CNTN5: variants seen among roughly 807,000 people sequenced by gnomAD.
CNTN5 encodes the protein contactin-5.
CNTN5 carries 77 observed loss-of-function variants against 129.1 expected under a neutral mutation model. The ratio of observed to expected loss-of-function variants is 0.60; its 90% confidence interval spans 0.50 to 0.72. The LOEUF is 0.72. Ranked by LOEUF, CNTN5 falls within the 30% of genes least tolerant of loss-of-function variation. The pLI is 0.00. For missense variants in CNTN5, 1,478 were observed against 1,328.8 expected, an observed-to-expected ratio of 1.11 and a Z score of -1.75; for synonymous variants, 509 against 465.6, an observed-to-expected ratio of 1.09 and a Z score of -1.20.
intron 1 of CNTN5, among the ~76,000 whole-genome samples, chr11:99,255,961 G>A (rs1862359696): frequency 6.6e-6 from 1 of 151,950 alleles, no homozygotes; most frequent in African/African-American, 2.4e-5. Flanking sequence ...CCCTGAAATT[G>A]TGATTGTTTA....
intron 1 of CNTN5, among the ~76,000 whole-genome samples, chr11:99,153,627 T>C (rs1860181972): frequency 6.6e-6 from 1 of 152,112 alleles, no homozygotes; most frequent in South Asian, 2.1e-4. Flanking sequence ...TATCACAAAT[T>C]GTATTTCTGT....
At chr11:100,011,836 T>C (rs1428930838) in intron 9 of CNTN5, among the ~76,000 whole-genome samples, 1 of 152,180 alleles carries the variant, frequency 6.6e-6, no homozygotes, top group Non-Finnish European at 1.5e-5. Context: ...TTAGCTAAGC[T>C]GTCTCAAATG....
At chr11:100,286,099 G>A (rs1486577559) in intron 18 of CNTN5, among the ~76,000 whole-genome samples, 2 of 152,236 alleles carry the variant, frequency 1.3e-5, no homozygotes, top group Non-Finnish European at 2.9e-5. Flanking sequence ...TGGCTGGGAG[G>A]GTCCTACGCC....
At chr11:100,336,201 T>C (rs1223129181) in intron 21 of CNTN5, among the ~76,000 whole-genome samples, 2 of 152,218 alleles carry the variant, frequency 1.3e-5, no homozygotes, top group African/African-American at 4.8e-5. Context: ...ATAATCTTCT[T>C]TCTGGGGTCT....
At chr11:99,544,958 C>A (rs997739891) in intron 2 of CNTN5, among the ~76,000 whole-genome samples, 3 of 152,204 alleles carry the variant, frequency 2.0e-5, no homozygotes, top group African/African-American at 7.2e-5. Context: ...ATTGAGATTT[C>A]TTTGTAATTC....
At chr11:99,217,565 G>A (rs931562121) in intron 1 of CNTN5, among the ~76,000 whole-genome samples, 3 of 152,172 alleles carry the variant, frequency 2.0e-5, no homozygotes, top group Admixed American at 2.0e-4. Context: ...CAATGCTATA[G>A]ATCCTCAGAT....
intron 13 of CNTN5, among the ~76,000 whole-genome samples, chr11:100,171,549 C>G (rs1947825938): frequency 6.6e-6 from 1 of 151,964 alleles, no homozygotes; most frequent in South Asian, 2.1e-4. Flanking sequence ...TGAAGAGCTA[C>G]AGGGTAAATG....
At chr11:99,045,710 G>A (rs1161033061) in intron 1 of CNTN5, among the ~76,000 whole-genome samples, 1 of 152,078 alleles carries the variant, frequency 6.6e-6, no homozygotes, top group East Asian at 1.9e-4. Context: ...TTTAAGCATC[G>A]GGGTGTTCAA....
intron 9 of CNTN5, among the ~76,000 whole-genome samples, chr11:100,045,326 T>C (rs1363025482): frequency 6.6e-6 from 1 of 152,130 alleles, no homozygotes; most frequent in African/African-American, 2.4e-5. Context: ...GTCACCATGG[T>C]TTAAGGTTGT....
chr11:99,833,147 T>G (rs1467075817), intron 4 of CNTN5, among the ~76,000 whole-genome samples: 2 of 152,134 alleles, frequency 1.3e-5, no homozygotes, highest in Non-Finnish European at 2.9e-5. Context: ...CTCAGATGGA[T>G]GATACTTAAA....
At chr11:100,137,803 A>G (rs1017921893) in intron 13 of CNTN5, among the ~76,000 whole-genome samples, 4 of 152,176 alleles carry the variant, frequency 2.6e-5, no homozygotes, top group African/African-American at 9.6e-5. Context: ...TAACAAAATT[A>G]TGCAAAAGAT....
intron 4 of CNTN5, among the ~76,000 whole-genome samples, chr11:99,843,422 A>G (rs1198942938): frequency 6.6e-6 from 1 of 152,248 alleles, no homozygotes; most frequent in Non-Finnish European, 1.5e-5. Flanking sequence ...GTTCTTCTAA[A>G]TATAAGGTGT....
intron 2 of CNTN5, among the ~76,000 whole-genome samples, chr11:99,351,748 G>A (rs1264993415): frequency 1.3e-5 from 2 of 152,132 alleles, no homozygotes; most frequent in East Asian, 3.9e-4. Context: ...GGAGTTCAAT[G>A]TTACTGAGGC....
At chr11:99,669,709 A>G (rs1952956722) in intron 3 of CNTN5, among the ~76,000 whole-genome samples, 1 of 152,114 alleles carries the variant, frequency 6.6e-6, no homozygotes, top group Admixed American at 6.5e-5. Context: ...CTACTGGAAT[A>G]TCTGGTCTCT....
intron 2 of CNTN5, among the ~76,000 whole-genome samples, chr11:99,542,432 T>C (rs563346324): frequency 6.6e-6 from 1 of 152,328 alleles, no homozygotes; most frequent in African/African-American, 2.4e-5. Flanking sequence ...TGTCTTTCTA[T>C]GTCTGGCTTA....
At chr11:99,553,993 CACAT>C (rs1269640009) in intron 2 of CNTN5, among the ~76,000 whole-genome samples, 221 of 81,612 alleles carry the variant, frequency 2.7e-3, no homozygotes, top group African/African-American at 8.1e-3. Context: ...CACACACACA[CACAT>C]ACACACACAC....
chr11:100,320,817 C>T (rs1202803727), intron 21 of CNTN5, among the ~76,000 whole-genome samples: 1 of 152,116 alleles, frequency 6.6e-6, no homozygotes, highest in Non-Finnish European at 1.5e-5. Flanking sequence ...AGAGACTATC[C>T]TTTCCCCATT....
At chr11:99,442,961 G>A (rs1379425845) in intron 2 of CNTN5, among the ~76,000 whole-genome samples, 1 of 152,168 alleles carries the variant, frequency 6.6e-6, no homozygotes, top group Non-Finnish European at 1.5e-5. Context: ...TGCCTATATT[G>A]ATATTAAGAC....
chr11:99,963,667 T>C (rs11222071), intron 8 of CNTN5, among the ~76,000 whole-genome samples: 10,572 of 152,248 alleles, frequency 0.069, 763 homozygotes, highest in East Asian at 0.31. Flanking sequence ...ATATGAACTT[T>C]AAAGTAGTTT....
Sources: gnomAD v4.1 joint callset for allele counts (sites outside exome capture counted in the v4.1 genomes callset) on GRCh38, gnomAD v4.1.1 for gene constraint, MANE v1.5 for transcripts, NCBI Gene and HGNC (gene_info 2026-07-23, HGNC 2026-07-21) for gene names.